DOCK7: variants seen among roughly 807,000 people sequenced by gnomAD.
DOCK7 encodes the protein dedicator of cytokinesis 7, also known as dedicator of cytokinesis protein 7.
DOCK7 carries 138 observed loss-of-function variants against 271.0 expected under a neutral mutation model. The ratio of observed to expected loss-of-function variants is 0.51; its 90% CI spans 0.44 to 0.59. The LOEUF (loss-of-function observed/expected upper bound fraction) is 0.59, where lower values mean the gene tolerates loss of function less well. Ranked by LOEUF, DOCK7 falls within the 20% of genes least tolerant of loss-of-function variation. The probability of loss-of-function intolerance (pLI) is 0.00; values close to 1 mark genes in which losing one functional copy is unlikely to be tolerated. For synonymous variants in DOCK7, 823 were observed against 876.1 expected, an observed-to-expected ratio of 0.94 and a Z score of 1.07; for missense variants, 2,066 against 2,592.4, an observed-to-expected ratio of 0.80 and a Z score of 4.41.
intron 38 of DOCK7, 30 bp downstream of exon 38, chr1:62,496,309 A>G: frequency 6.2e-7 from 1 of 1,604,412 alleles, no homozygotes; most frequent in Non-Finnish European, 8.5e-7. Flanking sequence ...GCCTATTTCA[A>G]TTAATGATCT....
At chr1:62,508,329 G>C (rs1030527822) in intron 34 of DOCK7, among the ~76,000 whole-genome samples, 2 of 152,150 alleles carry the variant, frequency 1.3e-5, no homozygotes, top group African/African-American at 2.4e-5. Flanking sequence ...ACATGCAGCA[G>C]ACAGTTTTAT....
intron 15 of DOCK7, 123 bp from the exon 16 acceptor site, chr1:62,583,377 G>A (rs1647195938): frequency 1.3e-6 from 1 of 783,470 alleles, no homozygotes; most frequent in Admixed American, 2.1e-5. Context: ...GCCCAATGAA[G>A]AACAATGTGC....
intron 43 of DOCK7, 89 bp from the exon 44 acceptor site, chr1:62,477,914 A>C: frequency 7.1e-7 from 1 of 1,399,990 alleles, no homozygotes; most frequent in Non-Finnish European, 9.4e-7. Context: ...ACAGCATAAA[A>C]TTTCCAAAAC....
intron 24 of DOCK7, 101 bp downstream of exon 24, chr1:62,543,555 T>G (rs1490030362): frequency 2.2e-5 from 18 of 801,206 alleles, no homozygotes; most frequent in South Asian, 1.5e-4. Context: ...CACAATGCAA[T>G]TACTGTAAGT....
At chr1:62,562,482 T>G (rs1012084272) in intron 18 of DOCK7, among the ~76,000 whole-genome samples, 1 of 152,120 alleles carries the variant, frequency 6.6e-6, no homozygotes, top group African/African-American at 2.4e-5. Flanking sequence ...CCCAAGGTGC[T>G]GGGATTACAA....
intron 12 of DOCK7, among the ~76,000 whole-genome samples, chr1:62,622,409 T>C (rs1456259383): frequency 1.3e-5 from 2 of 152,214 alleles, no homozygotes; most frequent in African/African-American, 4.8e-5. Flanking sequence ...TTGATTTTTT[T>C]TTTAAATATC....
chr1:62,642,308 C>T (rs1656130709), intron 7 of DOCK7, among the ~76,000 whole-genome samples: 1 of 151,994 alleles, frequency 6.6e-6, no homozygotes, highest in Non-Finnish European at 1.5e-5. Flanking sequence ...TGGGTTTTAC[C>T]ATGTTGTCCA....
chr1:62,673,026 T>G (rs541634320), intron 1 of DOCK7, among the ~76,000 whole-genome samples: 1 of 152,174 alleles, frequency 6.6e-6, no homozygotes, highest in East Asian at 1.9e-4. Flanking sequence ...CTATCCTTCA[T>G]GTATGGCTAA....
chr1:62,646,455 G>A (rs991820602), intron 7 of DOCK7, among the ~76,000 whole-genome samples: 5 of 152,008 alleles, frequency 3.3e-5, no homozygotes, highest in African/African-American at 1.2e-4. Context: ...TTGGAAATAA[G>A]CCCTTTAGGG....
intron 2 of DOCK7, among the ~76,000 whole-genome samples, chr1:62,659,724 G>A (rs926153866): frequency 1.2e-4 from 19 of 152,056 alleles, no homozygotes; most frequent in Non-Finnish European, 2.6e-4. Flanking sequence ...TATACCAGGC[G>A]ACAATTATTC....
At chr1:62,502,704 T>C (rs1646818886) in intron 37 of DOCK7, among the ~76,000 whole-genome samples, 1 of 152,022 alleles carries the variant, frequency 6.6e-6, no homozygotes, top group African/African-American at 2.4e-5. Context: ...TGATAAACAC[T>C]ACATCCCCAA....
At chr1:62,551,730 G>A (rs1645912275) in intron 22 of DOCK7, among the ~76,000 whole-genome samples, 1 of 151,758 alleles carries the variant, frequency 6.6e-6, no homozygotes, top group Non-Finnish European at 1.5e-5. Flanking sequence ...TACTTGATTA[G>A]GACAAGGCTG....
chr1:62,459,985 C>T (rs1015850415), intron 48 of DOCK7, among the ~76,000 whole-genome samples: 1 of 151,532 alleles, frequency 6.6e-6, no homozygotes, highest in African/African-American at 2.4e-5. Flanking sequence ...CCTGTAGTCC[C>T]AGCTACTGGG....
At chr1:62,551,092 G>A (rs747463807) in intron 22 of DOCK7, among the ~76,000 whole-genome samples, 64 of 152,254 alleles carry the variant, frequency 4.2e-4, no homozygotes, top group Middle Eastern at 6.8e-3. Context: ...CATTAAGGGG[G>A]TGAGACACAG....
intron 2 of DOCK7, among the ~76,000 whole-genome samples, chr1:62,662,554 A>G (rs1658784814): frequency 6.6e-6 from 1 of 152,154 alleles, no homozygotes; most frequent in Non-Finnish European, 1.5e-5. Flanking sequence ...CAAGGTCAGG[A>G]GTTCAAGACC....
At chr1:62,585,634 G>T (rs1216109711) in intron 15 of DOCK7, among the ~76,000 whole-genome samples, 1 of 152,028 alleles carries the variant, frequency 6.6e-6, no homozygotes, top group East Asian at 1.9e-4. Context: ...CTGTTCACAG[G>T]CATTCCCCAA....
At chr1:62,668,939 A>G (rs1357413260) in intron 1 of DOCK7, among the ~76,000 whole-genome samples, 2 of 152,064 alleles carry the variant, frequency 1.3e-5, no homozygotes, top group Non-Finnish European at 2.9e-5. Flanking sequence ...AAAAAAAAAA[A>G]AAGGCTTCAA....
intron 48 of DOCK7, chr1:62,460,867 G>A (rs1396117050): frequency 6.6e-6 from 1 of 152,158 alleles, no homozygotes; most frequent in Non-Finnish European, 1.5e-5. Context: ...ATGTTGCCCA[G>A]GCTGGTCTCA....
chr1:62,681,096 T>A (rs1478586159), intron 1 of DOCK7, among the ~76,000 whole-genome samples: 2 of 152,200 alleles, frequency 1.3e-5, no homozygotes, highest in African/African-American at 4.8e-5. Context: ...ATATGTTTAC[T>A]GCGGCACTAT....
Sources: gnomAD v4.1 joint callset for allele counts (sites outside exome capture counted in the v4.1 genomes callset) on GRCh38, gnomAD v4.1.1 for gene constraint, MANE v1.5 for transcripts, NCBI Gene and HGNC (gene_info 2026-07-23, HGNC 2026-07-21) for gene names.